The following IFNLR1 variants were observed in gnomAD, a reference collection of about 807,000 sequenced individuals.
The protein encoded by IFNLR1 is CRF2-12.
A neutral mutation model predicts 52.5 loss-of-function variants in IFNLR1; 28 were observed. The observed-to-expected ratio is 0.53, with a 90% CI of 0.40 to 0.73. The LOEUF (loss-of-function observed/expected upper bound fraction) is 0.73. Ranked by LOEUF, IFNLR1 falls within the 30% of genes least tolerant of loss-of-function variation. IFNLR1 has a pLI of 0.00. For missense variants in IFNLR1, 623 were observed against 659.1 expected (o/e 0.95, Z 0.60); for synonymous variants, 276 against 274.9 (o/e 1.00, Z -0.04).
chr1:24,165,238 G>A (rs1644506537), intron 3 of IFNLR1, among the ~76,000 whole-genome samples: 2 of 152,024 alleles, frequency 1.3e-5, no homozygotes, highest in Non-Finnish European at 2.9e-5. Flanking sequence ...AAACCTTCTC[G>A]GATAAGCATT....
chr1:24,185,009 ACT>A (rs1644723342), intron 1 of IFNLR1, among the ~76,000 whole-genome samples: 1 of 151,946 alleles, frequency 6.6e-6, no homozygotes, highest in South Asian at 2.1e-4. Context: ...ACAGAGTGAG[ACT>A]CTGTCTCAAA....
chr1:24,180,925 G>C, intron 1 of IFNLR1, 71 bp from the exon 2 acceptor site: 1 of 1,531,494 alleles, frequency 6.5e-7, no homozygotes, highest in Admixed American at 1.9e-5. Flanking sequence ...CCCAAGCTGA[G>C]GGGCAGCACG....
chr1:24,169,454 G>A lies in IFNLR1; in HGVS notation c.330C>T (p.Pro110=). The change falls in exon 3 of 7, where the codon CCC becomes CCT. Residue 110 remains proline, a synonymous_variant. Coordinates refer to ENST00000327535, the MANE Select transcript of IFNLR1 (RefSeq NM_170743.4). The part of the protein sequence containing the change: ...VRTVSPSSKS[P]WVESEYLDYL... ...AATCCAGGTATTCGGACTCCACCCA[G>A]GGGGACTTGGAGCTGGGAGAAACCG... is the stretch of plus-strand genomic sequence containing the variant. 1 of 1,614,214 alleles carries A rather than the reference G, an allele frequency of 6.2e-7. No individual in the cohort carries two copies. The highest frequency in any genetic ancestry group is 8.5e-7 in the Non-Finnish European group (1 of 1,180,034).
chr1:24,157,858 AG>A lies in IFNLR1; in HGVS notation c.834del (p.Gln280SerfsTer8). The A allele has an allele frequency of 1.2e-6, 2 of 1,607,792 alleles. No homozygotes were observed. The stretch of plus-strand genomic sequence containing the variant: ...ACGGACTCTGGTCTGCTGGGCTGAA[AG>A]GTTGCCACAGGGTGTGTGTGTCCAG... ...DFSGHTHPVA[T>X]FQPSRPESVN... On this transcript the variant is annotated frameshift_variant, in exon 7 of 7. Transcript: ENST00000327535. LOFTEE classifies it high-confidence loss of function. This position sits in a 1 kb window ranked among gnomAD's most constrained non-coding sequence, Gnocchi z 5.1.
chr1:24,169,884 C>T (rs142294553), intron 2 of IFNLR1, among the ~76,000 whole-genome samples: 8 of 152,216 alleles, frequency 5.3e-5, no homozygotes, highest in Admixed American at 2.0e-4. Flanking sequence ...ATCTGTAATG[C>T]CTCCCTCACA....
intron 4 of IFNLR1, among the ~76,000 whole-genome samples, chr1:24,160,333 C>G (rs1490202942): frequency 6.6e-6 from 1 of 152,114 alleles, no homozygotes; most frequent in African/African-American, 2.4e-5. Context: ...GTTCCAAGTA[C>G]AAAACACACA....
intron 2 of IFNLR1, 49 bp downstream of exon 2, chr1:24,180,682 A>T: frequency 3.7e-6 from 1 of 273,582 alleles, no homozygotes; most frequent in Non-Finnish European, 6.7e-6. Context: ...TCCAGCCCCC[A>T]CCCACCCCCT....
chr1:24,161,503 G>A (rs1420462971), intron 4 of IFNLR1, 39 bp downstream of exon 4: 33 of 1,552,200 alleles, frequency 2.1e-5, no homozygotes, highest in East Asian at 4.8e-5. Flanking sequence ...AGGGGTGGAG[G>A]AGCGGGCCTA....
intron 2 of IFNLR1, 46 bp downstream of exon 2, chr1:24,180,685 C>CCCCCCCCCA: frequency 7.9e-7 from 1 of 1,261,122 alleles, no homozygotes; most frequent in Non-Finnish European, 1.1e-6. Context: ...AGCCCCCACC[C>CCCCCCCCCA]ACCCCCTCAG....
chr1:24,177,204 G>T (rs1349801482), intron 2 of IFNLR1, among the ~76,000 whole-genome samples: 4 of 152,102 alleles, frequency 2.6e-5, no homozygotes, highest in African/African-American at 9.7e-5. Context: ...GAACTAATAG[G>T]TTATACGTAT....
intron 1 of IFNLR1, among the ~76,000 whole-genome samples, chr1:24,182,259 C>T (rs1382866555): frequency 2.0e-5 from 3 of 151,774 alleles, no homozygotes; most frequent in Non-Finnish European, 2.9e-5. Context: ...ACGCCCAGTT[C>T]GCTGGCATTA....
In IFNLR1 at chr1:24,162,880, C is replaced by CTTTCTTTCT. The variant is rs1557644382; in HGVS notation, c.368-1197_368-1196insAGAAAGAAA. ...CTTTCTTTCTTTCTTTCTTTCTTTC[C>CTTTCTTTCT]TTCCTTCCTTCCTTCCTTCCTTCCT... On this transcript the variant is annotated intron_variant, in intron 3 of 6. Transcript: ENST00000327535. Among the ~76,000 whole-genome samples, 57 of 20,100 alleles carry CTTTCTTTCT rather than the reference C, an allele frequency of 2.8e-3. 2 individuals are homozygous for CTTTCTTTCT. The highest frequency in any genetic ancestry group is 4.0e-3 in the Admixed American group (8 of 2,004). The allele number at this position is 20,100 out of a possible 152,430, so 13.2% of individuals were successfully genotyped here. A position where few individuals can be genotyped will look rare whatever the true frequency, so the allele number is the denominator to read the frequency against.
chr1:24,160,432 GA>G (rs1553161989), intron 4 of IFNLR1, among the ~76,000 whole-genome samples: 1 of 152,208 alleles, frequency 6.6e-6, no homozygotes, highest in Non-Finnish European at 1.5e-5. Context: ...TCAATTGGAT[GA>G]AGTAAAATCT....
chr1:24,157,001 A>T lies in IFNLR1; in HGVS notation c.*129T>A, dbSNP rs7536412. On this transcript the variant is annotated 3_prime_UTR_variant, in exon 7 of 7. Transcript: ENST00000327535. The surrounding 1 kb of genome is among the most constrained non-coding windows in gnomAD (Gnocchi z 5.1). The stretch of plus-strand genomic sequence containing the variant: ...CGACAGGCAAACAGCCGCTAGGTGG[A>T]CTTCCCGGAAGTGCAATGCCCCTCC... 1 of 1,087,252 alleles carries T rather than the reference A, an allele frequency of 9.2e-7. No individual in the cohort carries two copies. Among genetic ancestry groups the T allele is most frequent in the Non-Finnish European group, 1.3e-6 (1 of 754,154 alleles). The allele number at this position is 1,087,252 out of a possible 1,614,324, so 67.4% of individuals were successfully genotyped here.
rs145050403 is a variant in IFNLR1, at chr1:24,178,811, G to A, written c.182+1920C>T. On this transcript the variant is annotated intron_variant, in intron 2 of 6. Transcript: ENST00000327535. ...CTTGCCTATTTGAATAGTATGACTGGATATCAAATACCAGATGAGAGGATA... is the reference window on the plus strand; with the variant it reads ...CTTGCCTATTTGAATAGTATGACTGAATATCAAATACCAGATGAGAGGATA... 1.6e-3 allele frequency among the ~76,000 whole-genome samples: 242 copies of A among 152,066 alleles called. 1 individual carries two copies. The highest frequency in any genetic ancestry group is 3.1e-3 in the South Asian group (15 of 4,802).
intron 2 of IFNLR1, among the ~76,000 whole-genome samples, chr1:24,174,795 A>G (rs536049960): frequency 6.6e-6 from 1 of 152,334 alleles, no homozygotes; most frequent in South Asian, 2.1e-4. Flanking sequence ...GAGAAGAGAT[A>G]TATGAAAAGA....
intron 1 of IFNLR1, among the ~76,000 whole-genome samples, 179 bp downstream of exon 1, chr1:24,187,012 C>G (rs1336631469): frequency 6.6e-6 from 1 of 152,220 alleles, no homozygotes; most frequent in African/African-American, 2.4e-5. Flanking sequence ...ATATCAAAGA[C>G]CCGGTTCTGT....
At chr1:24,162,493 AT>A (rs1437577768) in intron 3 of IFNLR1, among the ~76,000 whole-genome samples, 2 of 152,168 alleles carry the variant, frequency 1.3e-5, no homozygotes, top group Non-Finnish European at 2.9e-5. Flanking sequence ...GTCTCAGTCT[AT>A]TTTGTGTTGT....
chr1:24,166,689 G>T (rs1272070595), intron 3 of IFNLR1, among the ~76,000 whole-genome samples: 1 of 151,948 alleles, frequency 6.6e-6, no homozygotes, highest in Non-Finnish European at 1.5e-5. Context: ...TGGGACCACA[G>T]GTGCCCACCA....
Sources: gnomAD v4.1 joint callset for allele counts (sites outside exome capture counted in the v4.1 genomes callset) on GRCh38, gnomAD v4.1.1 for gene constraint, Gnocchi (gnomAD v3.1) non-coding constraint, MANE v1.5 for transcripts, NCBI Gene and HGNC (gene_info 2026-07-23, HGNC 2026-07-21) for gene names.